Variants in CACNA2D3 observed in about 807,000 individuals in gnomAD.
CACNA2D3 encodes calcium voltage-gated channel auxiliary subunit alpha2delta 3, also known as voltage-dependent calcium channel subunit alpha-2/delta-3.
Under a neutral mutation model 160.6 loss-of-function variants are expected in CACNA2D3, and 60 were observed. That is an observed-to-expected ratio of 0.37 (90% confidence interval 0.30 to 0.46). The LOEUF (loss-of-function observed/expected upper bound fraction) is 0.46. Ranked by LOEUF, CACNA2D3 falls within the 20% of genes least tolerant of loss-of-function variation. The pLI is 1.00. For missense variants in CACNA2D3, 1,205 were observed against 1,365.0 expected (o/e 0.88, Z 1.85); for synonymous variants, 558 against 492.9 (o/e 1.13, Z -1.75).
At chr3:55,019,546 A>C (rs1308754901) in intron 35 of CACNA2D3, among the ~76,000 whole-genome samples, 2 of 152,160 alleles carry the variant, frequency 1.3e-5, no homozygotes, top group Non-Finnish European at 1.5e-5. Flanking sequence ...TATATACTTA[A>C]AACTACTTTT....
chr3:55,003,636 AG>A (rs1703030126), intron 31 of CACNA2D3, among the ~76,000 whole-genome samples: 1 of 152,244 alleles, frequency 6.6e-6, no homozygotes, highest in East Asian at 1.9e-4. Flanking sequence ...AATGATTTTG[AG>A]GGGGAAACGA....
At chr3:54,764,581 T>C (rs1157435593) in intron 13 of CACNA2D3, among the ~76,000 whole-genome samples, 1 of 152,186 alleles carries the variant, frequency 6.6e-6, no homozygotes, top group African/African-American at 2.4e-5. Context: ...ACAAAAGAAA[T>C]CACGTTTTGC....
chr3:54,864,099 A>G (rs1699350829), intron 17 of CACNA2D3, among the ~76,000 whole-genome samples: 1 of 152,164 alleles, frequency 6.6e-6, no homozygotes, highest in Non-Finnish European at 1.5e-5. Context: ...GGAGTCACAC[A>G]TCCAAGGAGA....
intron 4 of CACNA2D3, among the ~76,000 whole-genome samples, chr3:54,463,648 G>A (rs1370456179): frequency 6.6e-6 from 1 of 151,984 alleles, no homozygotes; most frequent in Non-Finnish European, 1.5e-5. Flanking sequence ...CTTCTCTATT[G>A]GTTATTCTAG....
chr3:55,074,370 A>ATATGT lies in CACNA2D3; in HGVS notation c.*166_*170dup. ...CTGTGCGTGATATAAACTCTTAAAGATATGTTGACAAAAAGTTATCTATCA... is the reference window on the plus strand; with the variant it reads ...CTGTGCGTGATATAAACTCTTAAAGATATGTTATGTTGACAAAAAGTTATCTATCA... On this transcript the variant is annotated 3_prime_UTR_variant, in exon 38 of 38. Coordinates refer to ENST00000474759, the MANE Select transcript of CACNA2D3 (RefSeq NM_018398.3). 1.7e-6 allele frequency: 1 copy of ATATGT among 599,330 alleles called. No homozygotes were observed. Among genetic ancestry groups the ATATGT allele is most frequent in the South Asian group, 2.1e-5 (1 of 48,226 alleles). 37.1% of individuals were successfully genotyped at this position (599,330 alleles called of 1,614,324 possible).
chr3:54,954,482 C>T (rs527707866), intron 27 of CACNA2D3, among the ~76,000 whole-genome samples: 1 of 152,352 alleles, frequency 6.6e-6, no homozygotes, highest in East Asian at 1.9e-4. Context: ...GGTAGGAAGG[C>T]AGATGCCTGC....
rs115985129 is a variant in CACNA2D3, at chr3:55,013,519, T to A, written c.2875+4076T>A. Among the ~76,000 whole-genome samples, 278 of 152,324 alleles carry A rather than the reference T, an allele frequency of 1.8e-3. 1 individual carries two copies. The highest frequency in any genetic ancestry group is 3.5e-3 in the Non-Finnish European group (237 of 68,038). ...CCCAGACCCAGCGTAAGGAGGGAAA[T>A]GTTCCAGGCACCATATGCTATTGGC... is the stretch of plus-strand genomic sequence containing the variant. On this transcript the variant is annotated intron_variant, in intron 34 of 37. Transcript: ENST00000474759.
At chr3:54,602,263 C>T (rs1270415570) in intron 9 of CACNA2D3, among the ~76,000 whole-genome samples, 2 of 152,002 alleles carry the variant, frequency 1.3e-5, no homozygotes, top group African/African-American at 2.4e-5. Context: ...TTTGGGAGGC[C>T]GAGGCAGGCG....
intron 3 of CACNA2D3, among the ~76,000 whole-genome samples, chr3:54,339,461 T>C (rs916500220): frequency 6.6e-6 from 1 of 152,226 alleles, no homozygotes; most frequent in Non-Finnish European, 1.5e-5. Context: ...GTCTTGTTTA[T>C]ACCTTTTCTT....
chr3:54,142,310 T>C (rs1205930501), intron 2 of CACNA2D3, among the ~76,000 whole-genome samples: 2 of 152,206 alleles, frequency 1.3e-5, no homozygotes, highest in African/African-American at 4.8e-5. Context: ...TAGCAGCTTG[T>C]TAAATTCTCA....
chr3:54,703,609 C>G (rs1026252414), intron 11 of CACNA2D3, among the ~76,000 whole-genome samples: 4 of 152,128 alleles, frequency 2.6e-5, no homozygotes, highest in African/African-American at 7.2e-5. Flanking sequence ...TTGGAATGAC[C>G]TAAAATCCCC....
intron 2 of CACNA2D3, among the ~76,000 whole-genome samples, chr3:54,300,155 T>A (rs1575380651): frequency 1.3e-5 from 2 of 152,278 alleles, no homozygotes; most frequent in African/African-American, 4.8e-5. Flanking sequence ...TTCTATTAGA[T>A]ATTTGTTTAA....
intron 5 of CACNA2D3, among the ~76,000 whole-genome samples, chr3:54,542,694 C>T (rs1440983158): frequency 6.6e-6 from 1 of 151,996 alleles, no homozygotes; most frequent in East Asian, 1.9e-4. Context: ...TTATTTTAGT[C>T]ACACTGGCGG....
intron 2 of CACNA2D3, among the ~76,000 whole-genome samples, chr3:54,309,887 A>G (rs1167357728): frequency 6.6e-6 from 1 of 151,874 alleles, no homozygotes; most frequent in African/African-American, 2.4e-5. Flanking sequence ...AGCCCTGAAG[A>G]AGTAGGGGCT....
chr3:54,596,653 C>T (rs1471692692), intron 9 of CACNA2D3, among the ~76,000 whole-genome samples: 1 of 152,042 alleles, frequency 6.6e-6, no homozygotes, highest in Non-Finnish European at 1.5e-5. Context: ...CTTCCCACCC[C>T]TGGTCTCCAC....
At chr3:54,953,064 C>G (rs185593523) in intron 27 of CACNA2D3, among the ~76,000 whole-genome samples, 1 of 152,160 alleles carries the variant, frequency 6.6e-6, no homozygotes, top group African/African-American at 2.4e-5. Context: ...GGGGAGGAAA[C>G]CAGGATATGG....
intron 3 of CACNA2D3, among the ~76,000 whole-genome samples, chr3:54,335,032 G>A (rs73841979): frequency 0.025 from 3,791 of 152,310 alleles, 166 homozygotes; most frequent in African/African-American, 0.086. Flanking sequence ...GATGTAAAGT[G>A]TTTTAGCCCA....
intron 13 of CACNA2D3, among the ~76,000 whole-genome samples, chr3:54,813,608 C>G (rs896351791): frequency 2.6e-5 from 4 of 152,108 alleles, no homozygotes; most frequent in African/African-American, 4.8e-5. Context: ...GGCATCAACT[C>G]TGGGCATATC....
At chr3:54,923,073 GTTC>G (rs962431551) in intron 27 of CACNA2D3, among the ~76,000 whole-genome samples, 11 of 152,046 alleles carry the variant, frequency 7.2e-5, no homozygotes, top group Admixed American at 6.6e-4. Flanking sequence ...CATCTCCCTG[GTTC>G]TTCTTCTGCA....
Sources: allele counts gnomAD v4.1 joint callset (sites outside exome capture counted in the v4.1 genomes callset), GRCh38; gene constraint gnomAD v4.1.1; transcripts MANE v1.5; gene names NCBI Gene and HGNC (gene_info 2026-07-23, HGNC 2026-07-21).